Variants in BARX2 observed in about 807,000 individuals in gnomAD.
The protein encoded by BARX2 is BARX homeobox 2, also known as homeobox protein BarH-like 2.
BARX2 carries 11 observed loss-of-function variants against 25.5 expected under a neutral mutation model. The ratio of observed to expected loss-of-function variants is 0.43; its 90% confidence interval spans 0.27 to 0.71. The LOEUF is 0.71. Ranked by LOEUF, BARX2 falls within the 30% of genes least tolerant of loss-of-function variation. The pLI is 0.19. For synonymous variants in BARX2, 137 were observed against 149.5 expected (o/e 0.92, Z 0.61); for missense variants, 360 against 359.9 (o/e 1.00, Z 0.00).
intron 3 of BARX2, among the ~76,000 whole-genome samples, chr11:129,444,054 G>A (rs1322082222): frequency 6.6e-6 from 1 of 151,790 alleles, no homozygotes; most frequent in African/African-American, 2.4e-5. Context: ...GCTAAAATAT[G>A]ATGTTTTTCA....
chr11:129,414,352 C>T (rs1363904706), intron 1 of BARX2, among the ~76,000 whole-genome samples: 2 of 151,600 alleles, frequency 1.3e-5, no homozygotes, highest in African/African-American at 4.8e-5. Context: ...TTTTATATGG[C>T]TTATCTAAGA....
chr11:129,379,223 A>G (rs1861536477), intron 1 of BARX2, among the ~76,000 whole-genome samples: 1 of 152,206 alleles, frequency 6.6e-6, no homozygotes, highest in South Asian at 2.1e-4. Flanking sequence ...TTATCATCAC[A>G]TTTAAACTAA....
In BARX2 at chr11:129,446,866, G is replaced by GAAAC. The variant is rs559242253; in HGVS notation, c.573+3949_573+3952dup. On this transcript the variant is annotated intron_variant, in intron 3 of 3. Coordinates refer to ENST00000281437, the MANE Select transcript of BARX2 (RefSeq NM_003658.5). ...TCCAAACTTGTTTCTCAGCTTCATG[G>GAAAC]AAACAGTCATCAGTTATGTGGCCCT... 1.6e-4 allele frequency among the ~76,000 whole-genome samples: 25 copies of GAAAC among 152,262 alleles called. 1 individual carries two copies. The highest frequency in any genetic ancestry group is 7.8e-4 in the Admixed American group (12 of 15,294).
At position 129,419,447 on chromosome 11, in the gene BARX2, G is replaced by A. The variant is rs544378858; in HGVS notation, c.188-17304G>A. 1.1e-4 allele frequency among the ~76,000 whole-genome samples: 16 copies of A among 152,304 alleles called. No homozygotes were observed. In the South Asian group the frequency reaches 3.1e-3, roughly 30 times the overall value. ...TCCAAGAACCTTTCTATAATATTAA[G>A]TGAGGACTTTATTTTAGAATTGTGG... On this transcript the variant is annotated intron_variant, in intron 1 of 3. Transcript: ENST00000281437.
chr11:129,415,173 T>C (rs143025228), intron 1 of BARX2, among the ~76,000 whole-genome samples: 1,873 of 152,320 alleles, frequency 0.012, 15 homozygotes, highest in Middle Eastern at 0.024. Flanking sequence ...CTCCCTATGA[T>C]AGGTCCTGTA....
At chr11:129,395,807 A>G (rs942655287) in intron 1 of BARX2, among the ~76,000 whole-genome samples, 5 of 152,198 alleles carry the variant, frequency 3.3e-5, no homozygotes, top group African/African-American at 1.2e-4. Context: ...GTGTGGATTC[A>G]GCTTCCAGTT....
intron 1 of BARX2, among the ~76,000 whole-genome samples, chr11:129,411,550 A>T (rs1436022601): frequency 6.6e-6 from 1 of 152,224 alleles, no homozygotes; most frequent in Non-Finnish European, 1.5e-5. Flanking sequence ...GAAAATAGTA[A>T]GAATCGGGAT....
chr11:129,432,795 C>T (rs1862144391), intron 1 of BARX2, among the ~76,000 whole-genome samples: 2 of 152,152 alleles, frequency 1.3e-5, no homozygotes, highest in South Asian at 4.1e-4. Flanking sequence ...AAGATACGCA[C>T]CTGTGCAAAA....
At chr11:129,420,962 G>T (rs192182078) in intron 1 of BARX2, among the ~76,000 whole-genome samples, 9 of 152,238 alleles carry the variant, frequency 5.9e-5, no homozygotes, top group Non-Finnish European at 1.2e-4. Flanking sequence ...CCTCATTTAC[G>T]GATGAGGAAT....
intron 3 of BARX2, among the ~76,000 whole-genome samples, chr11:129,446,483 T>A (rs531472351): frequency 8.8e-4 from 134 of 152,308 alleles, no homozygotes; most frequent in Non-Finnish European, 1.2e-3. Context: ...TTAACTGAGC[T>A]AATCTCTGTA....
intron 1 of BARX2, among the ~76,000 whole-genome samples, chr11:129,406,898 A>C (rs2078515001): frequency 6.6e-6 from 1 of 152,234 alleles, no homozygotes; most frequent in South Asian, 2.1e-4. Flanking sequence ...GGTTAAAAAA[A>C]TGCAACTGTG....
At chr11:129,425,678 T>C (rs2135405935) in intron 1 of BARX2, among the ~76,000 whole-genome samples, 1 of 152,334 alleles carries the variant, frequency 6.6e-6, no homozygotes, top group South Asian at 2.1e-4. Context: ...TCTAGTGATA[T>C]TGCAGGGATA....
intron 1 of BARX2, among the ~76,000 whole-genome samples, chr11:129,391,799 ACTTTCT>A (rs1861668643): frequency 6.6e-6 from 1 of 152,084 alleles, no homozygotes; most frequent in Non-Finnish European, 1.5e-5. Context: ...TATTTTTGGG[ACTTTCT>A]CTTTGCTGCT....
intron 1 of BARX2, among the ~76,000 whole-genome samples, chr11:129,405,231 A>G (rs1490886700): frequency 6.6e-6 from 1 of 152,182 alleles, no homozygotes; most frequent in Non-Finnish European, 1.5e-5. Context: ...TTAATGTGCC[A>G]AGAGTAGGCT....
At chr11:129,418,850 A>G (rs772053071) in intron 1 of BARX2, among the ~76,000 whole-genome samples, 1 of 152,234 alleles carries the variant, frequency 6.6e-6, no homozygotes, top group Non-Finnish European at 1.5e-5. Context: ...CAGAAAGGAA[A>G]GTCTCTGGTA....
At chr11:129,412,062 G>A (rs550446977) in intron 1 of BARX2, among the ~76,000 whole-genome samples, 1 of 152,206 alleles carries the variant, frequency 6.6e-6, no homozygotes, top group East Asian at 1.9e-4. Flanking sequence ...CACAAGGTCA[G>A]GAGATTGACA....
chr11:129,449,505 A>T (rs1395458601), intron 3 of BARX2, among the ~76,000 whole-genome samples: 1 of 152,210 alleles, frequency 6.6e-6, no homozygotes, highest in African/African-American at 2.4e-5. Flanking sequence ...CTTCTCACTA[A>T]CTGCCCAGAA....
In BARX2 at chr11:129,436,821, G is replaced by T. The variant is rs1256791555; in HGVS notation, c.258G>T (p.Leu86=). 1 of 1,613,550 alleles carries T rather than the reference G, an allele frequency of 6.2e-7. No individual in the cohort carries two copies. Among genetic ancestry groups the T allele is most frequent in the Admixed American group, 1.7e-5 (1 of 59,952 alleles). The change falls in exon 2 of 4, where the codon CTG becomes CTT. Residue 86 remains leucine, a synonymous_variant. Coordinates refer to ENST00000281437, the MANE Select transcript of BARX2 (RefSeq NM_003658.5). The surrounding 1 kb of genome is among the most constrained non-coding windows in gnomAD (Gnocchi z 4.5). ...ITRQPTVISH[L]VPATPGIAQA... ...GCCAGCCCACTGTCATCTCCCACCT[G>T]GTCCCTGCCACCCCGGGAATCGCCC...
At chr11:129,377,135 A>G (rs1420565631) in intron 1 of BARX2, among the ~76,000 whole-genome samples, 1 of 152,240 alleles carries the variant, frequency 6.6e-6, no homozygotes, top group East Asian at 1.9e-4. Context: ...TGTGCTTTCC[A>G]TTAAAGGTAA....
Sources: gnomAD v4.1 joint callset for allele counts (sites outside exome capture counted in the v4.1 genomes callset) on GRCh38, gnomAD v4.1.1 for gene constraint, Gnocchi (gnomAD v3.1) non-coding constraint, MANE v1.5 for transcripts, NCBI Gene and HGNC (gene_info 2026-07-23, HGNC 2026-07-21) for gene names.